The following ELMOD2 variants were observed in gnomAD, a reference collection of about 807,000 sequenced individuals.
ELMOD2 encodes the protein ELMO domain-containing protein 2.
A neutral mutation model predicts 41.0 loss-of-function variants in ELMOD2; 28 were observed. The observed-to-expected ratio is 0.68, with a 90% CI of 0.51 to 0.94. The LOEUF is 0.94. Among genes scored for constraint, ELMOD2 ranks in the 40% least tolerant of loss-of-function variants. ELMOD2 has a pLI of 0.00. For synonymous variants in ELMOD2, 106 were observed against 107.2 expected (o/e 0.99, Z 0.07); for missense variants, 333 against 343.1 (o/e 0.97, Z 0.23).
At chr4:140,537,618 A>G in intron 5 of ELMOD2, 77 bp downstream of exon 5, 1 of 1,546,586 alleles carries the variant, frequency 6.5e-7, no homozygotes, top group East Asian at 2.4e-5. Context: ...TAAAGTCTGC[A>G]AATTCTAGAG....
chr4:140,545,266 T>C (rs1735238185), intron 8 of ELMOD2, among the ~76,000 whole-genome samples: 2 of 152,252 alleles, frequency 1.3e-5, no homozygotes, highest in Admixed American at 1.3e-4. Context: ...TGCCACATTC[T>C]CCTGGCTTTT....
chr4:140,535,019 C>T (rs1049928160), intron 3 of ELMOD2, among the ~76,000 whole-genome samples: 4 of 152,142 alleles, frequency 2.6e-5, no homozygotes, highest in Non-Finnish European at 5.9e-5. Context: ...CTCATATTAT[C>T]TCAGGATTGG....
In ELMOD2 at chr4:140,552,495, A is replaced by G. The variant is rs893502822; in HGVS notation, c.*2120A>G. On this transcript the variant is annotated 3_prime_UTR_variant, in exon 9 of 9. Coordinates refer to ENST00000323570, the MANE Select transcript of ELMOD2 (RefSeq NM_153702.4). ...TTCTAGGGTTTGAGTCTAGAAGCCA[A>G]GCAAACTGTCACCAATGTCAGTTGT... 3.3e-5 allele frequency: 5 copies of G among 152,104 alleles called. No individual in the cohort carries two copies. The highest frequency in any genetic ancestry group is 1.2e-4 in the African/African-American group (5 of 41,442). The allele number at this position is 152,104 out of a possible 1,614,324, so 9.4% of individuals were successfully genotyped here.
chr4:140,526,051 C>T (rs1292461233), intron 2 of ELMOD2, among the ~76,000 whole-genome samples: 1 of 152,144 alleles, frequency 6.6e-6, no homozygotes, highest in Non-Finnish European at 1.5e-5. Context: ...AATACCATAG[C>T]CAATAGCCAC....
intron 3 of ELMOD2, chr4:140,527,781 C>T (rs1734617979): frequency 9.0e-6 from 3 of 332,674 alleles, no homozygotes; most frequent in Non-Finnish European, 1.6e-5. Context: ...GGAGGAAAGT[C>T]GTCTTTTAGA....
In ELMOD2 at chr4:140,525,434, T is replaced by G; in HGVS notation, c.6T>G (p.Phe2Leu). The change falls in exon 2 of 9, where the codon TTT (phenylalanine) becomes TTG (leucine). Residue 2 changes from phenylalanine to leucine, a missense_variant. Physicochemically the swap from Phe to Leu is conservative, Grantham distance 22. Transcript: ENST00000323570. Reference protein sequence around the residue: MFISLWEFFYGH... With the variant: MLISLWEFFYGH... Reference sequence around the variant, plus strand: ...CCCTCCTCCAGGAAAAAAAAATGTTTATTTCTTTGTGGGAGTTCTTCTATG... The same window carrying G: ...CCCTCCTCCAGGAAAAAAAAATGTTGATTTCTTTGTGGGAGTTCTTCTATG... 6.2e-7 allele frequency: 1 copy of G among 1,612,874 alleles called. No individual in the cohort carries two copies. The highest frequency in any genetic ancestry group is 8.5e-7 in the Non-Finnish European group (1 of 1,179,678).
chr4:140,551,273 A>T lies in ELMOD2; in HGVS notation c.*898A>T, dbSNP rs577979949. 6.6e-6 allele frequency: 1 copy of T among 152,228 alleles called. No homozygotes were observed. The highest frequency in any genetic ancestry group is 1.5e-5 in the Non-Finnish European group (1 of 67,956). The allele number at this position is 152,228 out of a possible 1,614,324, so 9.4% of individuals were successfully genotyped here. A position where few individuals can be genotyped will look rare whatever the true frequency, so the allele number is the denominator to read the frequency against. On this transcript the variant is annotated 3_prime_UTR_variant, in exon 9 of 9. Coordinates refer to ENST00000323570, the MANE Select transcript of ELMOD2 (RefSeq NM_153702.4). ...AAAAGACAGTTTCTGTTTAAGTAAA[A>T]CTGTCTTTGAAACTTAAGAAAGCTT...
At chr4:140,543,883 T>C (rs894736274) in intron 8 of ELMOD2, among the ~76,000 whole-genome samples, 1 of 152,154 alleles carries the variant, frequency 6.6e-6, no homozygotes, top group Non-Finnish European at 1.5e-5. Flanking sequence ...ACAAAATGTA[T>C]TTTCCCTCTT....
intron 3 of ELMOD2, chr4:140,528,071 T>A (rs1390349672): frequency 3.9e-5 from 6 of 152,224 alleles, no homozygotes. Context: ...GGTTAACAGG[T>A]ATCTGGTGAA....
In ELMOD2 at chr4:140,535,827, C is replaced by T. The variant is rs1219923095; in HGVS notation, c.266C>T (p.Ala89Val). 2 of 1,598,096 alleles carry T rather than the reference C, an allele frequency of 1.3e-6. No homozygotes were observed. Among genetic ancestry groups the T allele is most frequent in the Non-Finnish European group, 1.7e-6 (2 of 1,175,744 alleles). The change falls in exon 4 of 9, where the codon GCC becomes GTC. Residue 89 changes from alanine (A) to valine (V), a missense_variant. Physicochemically the swap from Ala to Val is moderately conservative, Grantham distance 64. Transcript: ENST00000323570. Reference protein sequence around the residue: ...KEKNINPEKDASFKICMKMCL... With the variant: ...KEKNINPEKDVSFKICMKMCL... ...AAGAATATTAACCCTGAGAAGGATG[C>T]CAGGTGTGCGTTTTTTACATTATTC...
At chr4:140,546,963 C>T (rs1213853573) in intron 8 of ELMOD2, among the ~76,000 whole-genome samples, 1 of 152,170 alleles carries the variant, frequency 6.6e-6, no homozygotes, top group Non-Finnish European at 1.5e-5. Context: ...TTAAAATGCA[C>T]ATATGCATAT....
In ELMOD2 at chr4:140,553,655, T is replaced by C. The variant is rs539190473; in HGVS notation, c.*3280T>C. The C allele has an allele frequency of 4.6e-5, 7 of 152,262 alleles. No homozygotes were observed. Among genetic ancestry groups the C allele is most frequent in the Non-Finnish European group, 7.4e-5 (5 of 67,992 alleles). The allele number at this position is 152,262 out of a possible 1,614,324, so 9.4% of individuals were successfully genotyped here. ...AGTACCACTTGGACACTTAAAGGAA[T>C]TGGGATTTTTGTCTACTTTGGATAA... On this transcript the variant is annotated 3_prime_UTR_variant, in exon 9 of 9. Coordinates refer to ENST00000323570, the MANE Select transcript of ELMOD2 (RefSeq NM_153702.4).
chr4:140,543,695 T>C (rs545044901), intron 8 of ELMOD2, 109 bp downstream of exon 8: 14 of 900,928 alleles, frequency 1.6e-5, no homozygotes, highest in East Asian at 9.6e-5. Flanking sequence ...ATATAACTTA[T>C]GTTTATCATT....
chr4:140,550,599 A>T lies in ELMOD2; in HGVS notation c.*224A>T. On this transcript the variant is annotated 3_prime_UTR_variant, in exon 9 of 9. Coordinates refer to ENST00000323570, the MANE Select transcript of ELMOD2 (RefSeq NM_153702.4). The stretch of plus-strand genomic sequence containing the variant: ...ATCCTTCCAAAGATCCCCTCTGTAG[A>T]GTCATGCGAACTACAGTTTGGAACT... The T allele has an allele frequency of 3.0e-6, 1 of 330,954 alleles. No individual in the cohort carries two copies. The allele number at this position is 330,954 out of a possible 1,614,324, so 20.5% of individuals were successfully genotyped here. A position where few individuals can be genotyped will look rare whatever the true frequency, so the allele number is the denominator to read the frequency against.
chr4:140,549,357 A>ATGTGTG (rs1553962939), intron 8 of ELMOD2, among the ~76,000 whole-genome samples: 5 of 150,248 alleles, frequency 3.3e-5, no homozygotes, highest in South Asian at 2.1e-4. Context: ...GTTTACATAT[A>ATGTGTG]TGTGTGTGTG....
At chr4:140,542,684 A>G (rs749740363) in intron 7 of ELMOD2, 42 bp downstream of exon 7, 23 of 1,388,142 alleles carry the variant, frequency 1.7e-5, no homozygotes, top group South Asian at 1.3e-4. Flanking sequence ...TCTTGCATTT[A>G]TAATGATTAG....
intron 8 of ELMOD2, among the ~76,000 whole-genome samples, chr4:140,545,697 G>A (rs555250704): frequency 1.8e-3 from 274 of 152,008 alleles, no homozygotes; most frequent in Non-Finnish European, 2.3e-3. Flanking sequence ...TTGTTGCTGG[G>A]ACTTTGCTAA....
chr4:140,533,871 G>C (rs1248851635), intron 3 of ELMOD2, among the ~76,000 whole-genome samples: 1 of 151,978 alleles, frequency 6.6e-6, no homozygotes, highest in East Asian at 1.9e-4. Flanking sequence ...AAAGTGCTCA[G>C]CATTATTAGT....
intron 2 of ELMOD2, chr4:140,526,554 A>C (rs1266111163): frequency 2.6e-5 from 4 of 152,074 alleles, no homozygotes; most frequent in African/African-American, 9.7e-5. Context: ...GTGTGCTTCG[A>C]CTGAGAAATC....
Sources: gnomAD v4.1 joint callset for allele counts (sites outside exome capture counted in the v4.1 genomes callset) on GRCh38, gnomAD v4.1.1 for gene constraint, MANE v1.5 for transcripts, NCBI Gene and HGNC (gene_info 2026-07-23, HGNC 2026-07-21) for gene names.